Variants in RALGPS1 observed in about 807,000 individuals in gnomAD.
RALGPS1 encodes ras-specific guanine nucleotide-releasing factor RalGPS1.
RALGPS1 carries 19 observed loss-of-function variants against 78.8 expected under a neutral mutation model. The observed-to-expected ratio is 0.24, with a 90% CI of 0.17 to 0.35. The LOEUF is 0.35. RALGPS1 is among the 10% of genes least tolerant of loss of function. The probability of loss-of-function intolerance (pLI) is 1.00; values close to 1 mark genes in which losing one functional copy is unlikely to be tolerated. For missense variants in RALGPS1, 454 were observed against 688.3 expected (o/e 0.66, Z 3.81); for synonymous variants, 228 against 256.3 (o/e 0.89, Z 1.06).
At chr9:127,065,638 A>G (rs902515984) in intron 7 of RALGPS1, among the ~76,000 whole-genome samples, 6 of 152,072 alleles carry the variant, frequency 3.9e-5, no homozygotes, top group Non-Finnish European at 8.8e-5. Flanking sequence ...AAATATGTCT[A>G]TCCCCTCCCC....
At chr9:127,031,255 G>A (rs2046410767) in intron 4 of RALGPS1, among the ~76,000 whole-genome samples, 1 of 152,230 alleles carries the variant, frequency 6.6e-6, no homozygotes, top group Admixed American at 6.5e-5. Flanking sequence ...GACTGGAAGA[G>A]TTTTGTTCTA....
At chr9:126,958,532 C>T (rs905055085) in intron 1 of RALGPS1, among the ~76,000 whole-genome samples, 1 of 152,166 alleles carries the variant, frequency 6.6e-6, no homozygotes, top group Non-Finnish European at 1.5e-5. Context: ...CATTCCTTTT[C>T]ATCTGTCTTC....
chr9:127,195,126 C>G lies in RALGPS1; in HGVS notation c.946C>G (p.Arg316Gly). 6.2e-7 allele frequency: 1 copy of G among 1,613,440 alleles called. No homozygotes were observed. The highest frequency in any genetic ancestry group is 8.5e-7 in the Non-Finnish European group (1 of 1,179,962). The change falls in exon 12 of 19, where the codon CGG (arginine) becomes GGG (glycine). Residue 316 changes from arginine (R) to glycine (G), a missense_variant. Transcript: ENST00000259351. Reference sequence around the variant, plus strand: ...TGGCTCCGGTTCTGCGAGGTTCAGCCGGAGGCCCACCTGTCCTGACACATC... The same window carrying G: ...TGGCTCCGGTTCTGCGAGGTTCAGCGGGAGGCCCACCTGTCCTGACACATC... ...SAGSGSARFS[R>G]RPTCPDTSVA...
rs192364308 is a variant in RALGPS1 at position 127,133,396 on chromosome 9, G to A, written c.611-32673G>A. Among the ~76,000 whole-genome samples the A allele has an allele frequency of 4.2e-3, 646 of 152,408 alleles. 3 individuals are homozygous for A. Among genetic ancestry groups the A allele is most frequent in the Non-Finnish European group, 7.5e-3 (511 of 68,048 alleles). ...AAGCGCAGCTCAGTCTTCACTGTGA[G>A]TTGACAGACTCAGCTGGTTTTGTTT... On this transcript the variant is annotated intron_variant, in intron 8 of 18. Coordinates refer to ENST00000259351, the MANE Select transcript of RALGPS1 (RefSeq NM_014636.3).
intron 8 of RALGPS1, among the ~76,000 whole-genome samples, chr9:127,137,272 G>A (rs564691264): frequency 2.6e-5 from 4 of 152,194 alleles, no homozygotes; most frequent in Non-Finnish European, 5.9e-5. Flanking sequence ...CCACCCTCCA[G>A]ACTAGTGGCC....
intron 5 of RALGPS1, among the ~76,000 whole-genome samples, chr9:127,036,797 T>G (rs1790246821): frequency 6.6e-6 from 1 of 152,234 alleles, no homozygotes; most frequent in South Asian, 2.1e-4. Context: ...CAATCTTTTT[T>G]GGGTCTTGGG....
At chr9:127,079,297 A>G (rs1410752853) in intron 8 of RALGPS1, among the ~76,000 whole-genome samples, 2 of 152,158 alleles carry the variant, frequency 1.3e-5, no homozygotes, top group African/African-American at 4.8e-5. Context: ...TGGCCCTAAT[A>G]AAGAAAAGGA....
At chr9:127,034,394 C>A in intron 4 of RALGPS1, 37 bp from the exon 5 acceptor site, 1 of 1,579,644 alleles carries the variant, frequency 6.3e-7, no homozygotes, top group Non-Finnish European at 8.7e-7. Flanking sequence ...TGCATCCCAA[C>A]TAGAATCACT....
intron 4 of RALGPS1, chr9:126,990,164 A>G: frequency 2.6e-6 from 2 of 777,042 alleles, no homozygotes; most frequent in Non-Finnish European, 4.0e-6. Context: ...GCCAGCAGGC[A>G]GTCATTTGTA....
At chr9:127,137,038 G>T (rs577422129) in intron 8 of RALGPS1, among the ~76,000 whole-genome samples, 2 of 152,276 alleles carry the variant, frequency 1.3e-5, no homozygotes, top group East Asian at 1.9e-4. Context: ...TGGGAGAGGG[G>T]TATATTTTTA....
At chr9:127,142,403 G>A (rs1402387480) in intron 8 of RALGPS1, among the ~76,000 whole-genome samples, 1 of 152,210 alleles carries the variant, frequency 6.6e-6, no homozygotes, top group Non-Finnish European at 1.5e-5. Flanking sequence ...AGAATGCCAG[G>A]CTAAGTGATC....
chr9:127,078,201 T>A (rs1000407992), intron 8 of RALGPS1, among the ~76,000 whole-genome samples: 5 of 152,184 alleles, frequency 3.3e-5, no homozygotes, highest in Non-Finnish European at 7.3e-5. Context: ...GGAAACTATT[T>A]CCATGATTTT....
chr9:127,159,863 T>C (rs1243090255), intron 8 of RALGPS1, among the ~76,000 whole-genome samples: 1 of 152,208 alleles, frequency 6.6e-6, no homozygotes, highest in Non-Finnish European at 1.5e-5. Context: ...AGTTTGAAAG[T>C]GATCTTTTTA....
intron 4 of RALGPS1, among the ~76,000 whole-genome samples, chr9:126,999,748 A>C (rs961636318): frequency 3.3e-5 from 5 of 152,200 alleles, no homozygotes; most frequent in Admixed American, 3.3e-4. Flanking sequence ...TGATTGCTTC[A>C]AAGTTTCGGC....
chr9:127,053,956 G>A (rs2048504474), intron 7 of RALGPS1, among the ~76,000 whole-genome samples: 2 of 152,208 alleles, frequency 1.3e-5, no homozygotes, highest in Admixed American at 1.3e-4. Context: ...AACTCGGGGA[G>A]GTTGGCCTAG....
At chr9:127,025,133 A>G (rs2045856796) in intron 4 of RALGPS1, among the ~76,000 whole-genome samples, 1 of 152,192 alleles carries the variant, frequency 6.6e-6, no homozygotes, top group African/African-American at 2.4e-5. Flanking sequence ...CCAGAATGTC[A>G]TGTAAGTCAA....
rs2048381274 is a variant in RALGPS1, at chr9:127,052,549, C to T, written c.391-298C>T. Among the ~76,000 whole-genome samples the T allele has an allele frequency of 5.9e-5, 9 of 152,300 alleles. No individual in the cohort carries two copies. The South Asian group carries it at 1.9e-3, about 32-fold the overall frequency. On this transcript the variant is annotated intron_variant, in intron 6 of 18. Transcript: ENST00000259351. ...CGGGGTTTTAGTTTACAAAAGCCTG[C>T]TGGGACAGTATTCAGATTTGTCTAA...
At chr9:127,174,261 GAAA>G (rs1020127049) in intron 10 of RALGPS1, among the ~76,000 whole-genome samples, 39 of 137,094 alleles carry the variant, frequency 2.8e-4, no homozygotes, top group Non-Finnish European at 2.4e-4. Context: ...AAGAAAGAAA[GAAA>G]AAGAGAGAGA....
At chr9:126,923,404 ACACT>A (rs2034960410) in intron 1 of RALGPS1, among the ~76,000 whole-genome samples, 1 of 152,192 alleles carries the variant, frequency 6.6e-6, no homozygotes, top group East Asian at 1.9e-4. Context: ...GGCTTCTGAC[ACACT>A]CATTGTAGAA....
Sources: gnomAD v4.1 joint callset for allele counts (sites outside exome capture counted in the v4.1 genomes callset) on GRCh38, gnomAD v4.1.1 for gene constraint, MANE v1.5 for transcripts, NCBI Gene and HGNC (gene_info 2026-07-23, HGNC 2026-07-21) for gene names.